The following DTNA variants were observed in gnomAD, a reference collection of about 807,000 sequenced individuals.
DTNA encodes dystrophin-related protein 3.
A neutral mutation model predicts 100.7 loss-of-function variants in DTNA; 43 were observed. The observed-to-expected ratio is 0.43, with a 90% CI of 0.33 to 0.55. DTNA has a LOEUF of 0.55. DTNA is among the 20% of genes least tolerant of loss of function. DTNA has a pLI of 0.04. For synonymous variants in DTNA, 349 were observed against 347.9 expected (o/e 1.00, Z -0.04); for missense variants, 798 against 953.9 (o/e 0.84, Z 2.15).
chr18:34,548,911 A>C (rs1335980745), intron 1 of DTNA, among the ~76,000 whole-genome samples: 1 of 152,140 alleles, frequency 6.6e-6, no homozygotes, highest in African/African-American at 2.4e-5. Context: ...AAGTCTGTGA[A>C]AGTGTTCTAG....
chr18:34,654,120 C>T (rs981392240), intron 1 of DTNA, among the ~76,000 whole-genome samples: 2 of 152,188 alleles, frequency 1.3e-5, no homozygotes, highest in South Asian at 2.1e-4. Context: ...CAGTAATTCA[C>T]CTGGTGAGCT....
At chr18:34,618,301 C>A (rs941525094) in intron 1 of DTNA, among the ~76,000 whole-genome samples, 2 of 152,108 alleles carry the variant, frequency 1.3e-5, no homozygotes, top group Non-Finnish European at 2.9e-5. Flanking sequence ...GTTCATTCTC[C>A]TTCAATATTT....
In DTNA at chr18:34,762,743, G is replaced by GT. The variant is rs549307602; in HGVS notation, c.68-3216dup. Reference sequence around the variant, plus strand: ...TATATCTGACACACTAAATTGTATTGTTCACCACATCCCTTTTAATATTCA... The same window carrying GT: ...TATATCTGACACACTAAATTGTATTGTTTCACCACATCCCTTTTAATATTCA... On this transcript the variant is annotated intron_variant, in intron 2 of 22. Transcript: ENST00000444659. Among the ~76,000 whole-genome samples the GT allele has an allele frequency of 1.3e-5, 2 of 152,218 alleles. 1 individual carries two copies. The highest frequency in any genetic ancestry group is 4.1e-4 in the South Asian group (2 of 4,828).
chr18:34,719,693 T>A (rs2084852771), intron 1 of DTNA, among the ~76,000 whole-genome samples: 1 of 152,218 alleles, frequency 6.6e-6, no homozygotes, highest in African/African-American at 2.4e-5. Flanking sequence ...TTTATGTCAT[T>A]CTACACCGAC....
intron 1 of DTNA, among the ~76,000 whole-genome samples, chr18:34,524,272 G>T (rs2042405411): frequency 6.6e-6 from 1 of 152,064 alleles, no homozygotes; most frequent in Non-Finnish European, 1.5e-5. Context: ...AAATATAATT[G>T]TAAAAATATA....
At chr18:34,762,813 A>G (rs184385948) in intron 2 of DTNA, among the ~76,000 whole-genome samples, 1 of 152,294 alleles carries the variant, frequency 6.6e-6, no homozygotes, top group African/African-American at 2.4e-5. Context: ...GCATTTATAG[A>G]CCTACAGACC....
At chr18:34,839,010 A>G (rs2096213480) in intron 13 of DTNA, among the ~76,000 whole-genome samples, 173 bp downstream of exon 13, 2 of 152,196 alleles carry the variant, frequency 1.3e-5, no homozygotes, top group Non-Finnish European at 2.9e-5. Flanking sequence ...CTTCCCATGA[A>G]GGAACCATAG....
intron 1 of DTNA, among the ~76,000 whole-genome samples, chr18:34,630,986 C>T (rs2058011683): frequency 6.6e-6 from 1 of 152,074 alleles, no homozygotes; most frequent in African/African-American, 2.4e-5. Flanking sequence ...AGGACCTCAA[C>T]ATCATAGGCA....
intron 1 of DTNA, among the ~76,000 whole-genome samples, chr18:34,572,701 T>G (rs545128033): frequency 6.6e-6 from 1 of 152,106 alleles, no homozygotes; most frequent in African/African-American, 2.4e-5. Context: ...GGCTCACCAG[T>G]TCTACTATTA....
intron 5 of DTNA, among the ~76,000 whole-genome samples, chr18:34,808,212 C>G (rs2095411968): frequency 6.6e-6 from 1 of 152,150 alleles, no homozygotes; most frequent in Non-Finnish European, 1.5e-5. Flanking sequence ...CTTTAACATA[C>G]CAGGCTAATT....
intron 1 of DTNA, among the ~76,000 whole-genome samples, chr18:34,693,022 C>G (rs767399263): frequency 5.9e-5 from 9 of 152,034 alleles, no homozygotes; most frequent in African/African-American, 1.9e-4. Flanking sequence ...TAACACTATT[C>G]AAGGGCCATG....
rs372489074 is a variant in DTNA at position 34,726,651 on chromosome 18, A to G, written c.-2+16206A>G. Reference sequence around the variant, plus strand: ...ACTCCTTGTCCTGAAACCAGAGCACACTGGTGCAAGGGATGGACTCCCAAC... The same window carrying G: ...ACTCCTTGTCCTGAAACCAGAGCACGCTGGTGCAAGGGATGGACTCCCAAC... On this transcript the variant is annotated intron_variant, in intron 1 of 22. Coordinates refer to ENST00000444659, the MANE Select transcript of DTNA (RefSeq NM_001386795.1). Among the ~76,000 whole-genome samples, 129 of 152,352 alleles carry G rather than the reference A, an allele frequency of 8.5e-4. 3 individuals carry two copies. The South Asian group carries it at 0.026, about 31-fold the overall frequency.
intron 9 of DTNA, chr18:34,825,122 C>A: frequency 1.8e-6 from 2 of 1,093,924 alleles, no homozygotes; most frequent in African/African-American, 1.5e-5. Flanking sequence ...TAGAGAGGTG[C>A]TGCCAGTCAT....
At chr18:34,560,747 A>G (rs1292799478) in intron 1 of DTNA, among the ~76,000 whole-genome samples, 1 of 152,124 alleles carries the variant, frequency 6.6e-6, no homozygotes, top group Non-Finnish European at 1.5e-5. Context: ...CTCTACAAAA[A>G]ATACACACAC....
At chr18:34,638,896 T>C (rs1296701568) in intron 1 of DTNA, among the ~76,000 whole-genome samples, 3 of 152,146 alleles carry the variant, frequency 2.0e-5, no homozygotes, top group African/African-American at 7.2e-5. Context: ...GGCTGGAGTG[T>C]AATGGCATCA....
intron 1 of DTNA, among the ~76,000 whole-genome samples, chr18:34,747,286 A>G (rs1004047359): frequency 6.6e-6 from 1 of 152,098 alleles, no homozygotes; most frequent in Non-Finnish European, 1.5e-5. Flanking sequence ...AACTAGCATC[A>G]TATTTCCACT....
intron 10 of DTNA, among the ~76,000 whole-genome samples, chr18:34,828,089 A>G (rs1478799726): frequency 1.3e-5 from 2 of 152,196 alleles, no homozygotes; most frequent in East Asian, 1.9e-4. Context: ...ATACAAAAGA[A>G]TCCTTTGTTG....
At chr18:34,825,631 C>T (rs17668591) in intron 9 of DTNA, among the ~76,000 whole-genome samples, 13,988 of 152,162 alleles carry the variant, frequency 0.092, 891 homozygotes, top group East Asian at 0.27. Context: ...CAGAGCTAGC[C>T]ATTCTTTGTC....
intron 1 of DTNA, among the ~76,000 whole-genome samples, chr18:34,589,776 G>A (rs971392094): frequency 1.3e-5 from 2 of 151,844 alleles, no homozygotes; most frequent in Non-Finnish European, 2.9e-5. Context: ...TCCCATTTCT[G>A]CCTGCTCCTG....
Sources: allele counts gnomAD v4.1 joint callset (sites outside exome capture counted in the v4.1 genomes callset), GRCh38; gene constraint gnomAD v4.1.1; transcripts MANE v1.5; gene names NCBI Gene and HGNC (gene_info 2026-07-23, HGNC 2026-07-21).